Variants in RIC1 observed in about 807,000 individuals in gnomAD.
RIC1 encodes the protein guanine nucleotide exchange factor subunit RIC1.
RIC1 carries 88 observed loss-of-function variants against 169.0 expected under a neutral mutation model. The ratio of observed to expected loss-of-function variants is 0.52; its 90% CI spans 0.44 to 0.62. The LOEUF is 0.62. Ranked by LOEUF, RIC1 falls within the 20% of genes least tolerant of loss-of-function variation. RIC1 has a pLI of 0.00. For missense variants in RIC1, 1,877 were observed against 1,725.5 expected (o/e 1.09, Z -1.56); for synonymous variants, 790 against 601.5 (o/e 1.31, Z -4.59).
chr9:5,733,633 G>A (rs927064443), intron 7 of RIC1, among the ~76,000 whole-genome samples: 1 of 152,032 alleles, frequency 6.6e-6, no homozygotes, highest in Non-Finnish European at 1.5e-5. Flanking sequence ...TCTTTGTAAA[G>A]TAGGGAATCC....
At chr9:5,698,521 CATTAATAAAACCG>C (rs1233978357) in intron 3 of RIC1, among the ~76,000 whole-genome samples, 1 of 152,160 alleles carries the variant, frequency 6.6e-6, no homozygotes, top group Non-Finnish European at 1.5e-5. Flanking sequence ...ATGGAAAATA[CATTAATAAAACCG>C]GCTTAGCTTC....
At chr9:5,723,022 T>G (rs1217791288) in intron 6 of RIC1, among the ~76,000 whole-genome samples, 1 of 152,218 alleles carries the variant, frequency 6.6e-6, no homozygotes, top group Non-Finnish European at 1.5e-5. Context: ...AACATACATG[T>G]GCGTGTGTCT....
At chr9:5,665,028 A>G (rs1231953849) in intron 2 of RIC1, among the ~76,000 whole-genome samples, 2 of 152,118 alleles carry the variant, frequency 1.3e-5, no homozygotes, top group Non-Finnish European at 2.9e-5. Context: ...GTCTCCCACT[A>G]TTATTGTGTG....
intron 2 of RIC1, among the ~76,000 whole-genome samples, chr9:5,686,690 G>A (rs1417841836): frequency 4.0e-5 from 6 of 151,782 alleles, no homozygotes; most frequent in African/African-American, 1.5e-4. Flanking sequence ...TGACGAGTTA[G>A]TGGGTGCAGC....
At chr9:5,758,984 C>T (rs1826177417) in intron 17 of RIC1, among the ~76,000 whole-genome samples, 2 of 152,070 alleles carry the variant, frequency 1.3e-5, no homozygotes, top group Admixed American at 1.3e-4. Flanking sequence ...ACCTCATGAT[C>T]TGCCCACCTC....
chr9:5,723,046 AT>A (rs1823710306), intron 6 of RIC1, among the ~76,000 whole-genome samples: 1 of 152,234 alleles, frequency 6.6e-6, no homozygotes, highest in Non-Finnish European at 1.5e-5. Context: ...TAGCAGCATG[AT>A]TTATAATCCT....
chr9:5,679,553 C>T (rs1405553526), intron 2 of RIC1, among the ~76,000 whole-genome samples: 1 of 152,024 alleles, frequency 6.6e-6, no homozygotes, highest in Non-Finnish European at 1.5e-5. Context: ...AGAGGTCCTT[C>T]ACATCCCTTG....
intron 6 of RIC1, among the ~76,000 whole-genome samples, chr9:5,730,910 T>C (rs1252574563): frequency 2.6e-5 from 4 of 152,086 alleles, no homozygotes; most frequent in Non-Finnish European, 5.9e-5. Context: ...TCACAACCCA[T>C]CCACTTCACT....
In RIC1 at chr9:5,678,347, A is replaced by C. The variant is rs201699275; in HGVS notation, c.253-11612A>C. On this transcript the variant is annotated intron_variant, in intron 2 of 25. Coordinates refer to ENST00000414202, the MANE Select transcript of RIC1 (RefSeq NM_020829.4). The stretch of plus-strand genomic sequence containing the variant: ...CTTTATAGCAGCATGATTTATAGTC[A>C]TTTGGGTATATACCCAGTAATGGGA... Among the ~76,000 whole-genome samples, 716 of 151,996 alleles carry C rather than the reference A, an allele frequency of 4.7e-3. 5 individuals are homozygous for C. Among genetic ancestry groups the C allele is most frequent in the African/African-American group, 0.015 (637 of 41,414 alleles).
intron 1 of RIC1, among the ~76,000 whole-genome samples, chr9:5,644,263 T>C (rs760596426): frequency 6.6e-6 from 1 of 152,208 alleles, no homozygotes. Flanking sequence ...TGGCCTACTT[T>C]TTGTCCATTT....
At chr9:5,668,764 C>T (rs913654635) in intron 2 of RIC1, among the ~76,000 whole-genome samples, 1 of 152,018 alleles carries the variant, frequency 6.6e-6, no homozygotes, top group Non-Finnish European at 1.5e-5. Context: ...TCGATATTCT[C>T]ATTTTGTTTA....
chr9:5,661,423 G>T (rs1035825360), intron 2 of RIC1, among the ~76,000 whole-genome samples: 1 of 152,152 alleles, frequency 6.6e-6, no homozygotes, highest in Non-Finnish European at 1.5e-5. Flanking sequence ...ATTACTTTGG[G>T]TAGTATAACC....
intron 6 of RIC1, among the ~76,000 whole-genome samples, chr9:5,729,146 G>C (rs1034188524): frequency 1.3e-5 from 2 of 152,134 alleles, no homozygotes; most frequent in Admixed American, 1.3e-4. Context: ...TTAAGCTAGC[G>C]GGTCCAAATT....
At position 5,756,228 on chromosome 9, in the gene RIC1, G is replaced by A. The variant is rs1456841422; in HGVS notation, c.1709G>A (p.Arg570Gln). 1.2e-5 allele frequency: 19 copies of A among 1,565,894 alleles called. 1 individual carries two copies. The South Asian group carries it at 1.3e-4, about 11-fold the overall frequency. The change falls in exon 16 of 26, where the codon CGA (arginine) becomes CAA (glutamine). Residue 570 changes from arginine (R) to glutamine (Q), a missense_variant. Physicochemically the swap from Arg to Gln is conservative, Grantham distance 43. Coordinates refer to ENST00000414202, the MANE Select transcript of RIC1 (RefSeq NM_020829.4). The part of the protein sequence containing the change: ...DRQEELRVYL[R>Q]TSNLDNAFAH... ...TTTCTTCAGCTTAGAGTATACTTGC[G>A]AACATCAAATCTGGACAATGCCTTT... is the stretch of plus-strand genomic sequence containing the variant.
chr9:5,731,374 C>T (rs1192984189), intron 6 of RIC1, among the ~76,000 whole-genome samples: 1 of 152,108 alleles, frequency 6.6e-6, no homozygotes, highest in African/African-American at 2.4e-5. Context: ...TTAAAAGATA[C>T]AATTCCTACT....
intron 1 of RIC1, among the ~76,000 whole-genome samples, chr9:5,642,943 C>A (rs920555576): frequency 6.6e-6 from 1 of 152,050 alleles, no homozygotes; most frequent in African/African-American, 2.4e-5. Context: ...TATACTTTTA[C>A]CATAAATGGA....
At chr9:5,701,483 C>T (rs976685318) in intron 3 of RIC1, among the ~76,000 whole-genome samples, 13 of 151,750 alleles carry the variant, frequency 8.6e-5, no homozygotes, top group African/African-American at 1.2e-4. Flanking sequence ...GTGGTAATCC[C>T]GGCTACTCAG....
At chr9:5,680,814 G>GCTTTTTTTTTT (rs1309041549) in intron 2 of RIC1, among the ~76,000 whole-genome samples, 1 of 66,768 alleles carries the variant, frequency 1.5e-5, no homozygotes, top group Non-Finnish European at 3.1e-5. Context: ...TGCAGTCATT[G>GCTTTTTTTTTT]ATTTTTTTTT....
At chr9:5,731,537 G>A (rs1458383784) in intron 6 of RIC1, among the ~76,000 whole-genome samples, 1 of 152,084 alleles carries the variant, frequency 6.6e-6, no homozygotes, top group Non-Finnish European at 1.5e-5. Context: ...ATATTATAGT[G>A]TGCCACTTTT....
Sources: gnomAD v4.1 joint callset for allele counts (sites outside exome capture counted in the v4.1 genomes callset) on GRCh38, gnomAD v4.1.1 for gene constraint, MANE v1.5 for transcripts, NCBI Gene and HGNC (gene_info 2026-07-23, HGNC 2026-07-21) for gene names.